COLGALT1: variants seen among roughly 807,000 people sequenced by gnomAD.
COLGALT1 encodes procollagen galactosyltransferase 1.
Under a neutral mutation model 60.8 loss-of-function variants are expected in COLGALT1, and 43 were observed. That is an observed-to-expected ratio of 0.71 (90% CI 0.55 to 0.91). The LOEUF (loss-of-function observed/expected upper bound fraction) is 0.91. Ranked by LOEUF, COLGALT1 falls within the 40% of genes least tolerant of loss-of-function variation. The pLI, the probability that COLGALT1 is intolerant of heterozygous loss-of-function variation, is 0.00. For missense variants in COLGALT1, 845 were observed against 880.0 expected (o/e 0.96, Z 0.50); for synonymous variants, 369 against 374.2 (o/e 0.99, Z 0.16).
Position 17,581,168 on chromosome 19 carries a change from T to TC in COLGALT1, c.1602-3dup, listed in dbSNP as rs1187814153. 1.3e-6 allele frequency: 2 copies of TC among 1,589,446 alleles called. No individual in the cohort carries two copies. The highest frequency in any genetic ancestry group is 1.1e-5 in the South Asian group (1 of 90,180). On this transcript the variant is annotated splice_polypyrimidine_tract_variant and intron_variant, in intron 11 of 11. Coordinates refer to ENST00000252599, the MANE Select transcript of COLGALT1 (RefSeq NM_024656.4). Reference sequence around the variant, plus strand: ...TTGCTGCCCCTCACTCCCCTCCTCCTCCCCCCAGGTCCGAGTACAAGGCCC... The same window carrying TC: ...TTGCTGCCCCTCACTCCCCTCCTCCTCCCCCCCAGGTCCGAGTACAAGGCCC...
In COLGALT1 at chr19:17,560,483, C is replaced by A. The variant is rs1158107485; in HGVS notation, c.489+18C>A. 5 of 1,600,356 alleles carry A rather than the reference C, an allele frequency of 3.1e-6. No individual in the cohort carries two copies. Among genetic ancestry groups the A allele is most frequent in the Non-Finnish European group, 4.3e-6 (5 of 1,167,544 alleles). The stretch of plus-strand genomic sequence containing the variant: ...ACATCCTGGTAAGTTTCTCAGCCGG[C>A]CGGATATGGATCACAGGCAGGTCTG... On this transcript the variant is annotated intron_variant, in intron 3 of 11. Coordinates refer to ENST00000252599, the MANE Select transcript of COLGALT1 (RefSeq NM_024656.4).
At chr19:17,559,614 C>T (rs1201386158) in intron 2 of COLGALT1, among the ~76,000 whole-genome samples, 193 bp downstream of exon 2, 6 of 152,148 alleles carry the variant, frequency 3.9e-5, no homozygotes, top group Non-Finnish European at 7.4e-5. Flanking sequence ...GACCTTTGCC[C>T]AAGCCGTTCC....
intron 3 of COLGALT1, among the ~76,000 whole-genome samples, chr19:17,561,756 G>A (rs2076251043): frequency 6.6e-6 from 1 of 151,852 alleles, no homozygotes; most frequent in Non-Finnish European, 1.5e-5. Context: ...AAGTGGTGAA[G>A]TCAGAGATTT....
chr19:17,581,369 G>C lies in COLGALT1; in HGVS notation c.1794G>C (p.Gln598His). Reference sequence around the variant, plus strand: ...AGTCCCAGAAGATGCGGGAGCAGCAGGCACTGAGCCGTGAGGCCAAGAACT... The same window carrying C: ...AGTCCCAGAAGATGCGGGAGCAGCACGCACTGAGCCGTGAGGCCAAGAACT... ...RAKSQKMREQ[Q>H]ALSREAKNSD... The change falls in exon 12 of 12, where the codon CAG (glutamine) becomes CAC (histidine). Residue 598 changes from glutamine to histidine, a missense_variant. Gln to His is a conservative substitution (Grantham distance 24). Transcript: ENST00000252599. 1 of 1,613,226 alleles carries C rather than the reference G, an allele frequency of 6.2e-7. No individual in the cohort carries two copies. Among genetic ancestry groups the C allele is most frequent in the Non-Finnish European group, 8.5e-7 (1 of 1,179,974 alleles).
chr19:17,576,592 A>G (rs1394986452), intron 6 of COLGALT1, among the ~76,000 whole-genome samples: 3 of 143,324 alleles, frequency 2.1e-5, no homozygotes, highest in Non-Finnish European at 3.0e-5. Flanking sequence ...GAGCAGGGTG[A>G]AGCTGGGGCC....
Position 17,577,093 on chromosome 19 carries a change from G to A in COLGALT1, c.950-102G>A, listed in dbSNP as rs966483670. Reference sequence around the variant, plus strand: ...CGGAGCCAGGTCGACTTTGTGGGCCGAGCCAGTCTGACTGGGAGCCATGGA... The same window carrying A: ...CGGAGCCAGGTCGACTTTGTGGGCCAAGCCAGTCTGACTGGGAGCCATGGA... On this transcript the variant is annotated intron_variant, in intron 6 of 11. Coordinates refer to ENST00000252599, the MANE Select transcript of COLGALT1 (RefSeq NM_024656.4). The A allele has an allele frequency of 1.9e-5, 23 of 1,192,222 alleles. No individual in the cohort carries two copies. In the African/African-American group the frequency reaches 3.0e-4, roughly 16 times the overall value. 73.9% of individuals were successfully genotyped at this position (1,192,222 alleles called of 1,614,324 possible). A position where few individuals can be genotyped will look rare whatever the true frequency, so the allele number is the denominator to read the frequency against.
chr19:17,559,703 T>C (rs1191496577), intron 2 of COLGALT1, among the ~76,000 whole-genome samples: 1 of 152,204 alleles, frequency 6.6e-6, no homozygotes, highest in Non-Finnish European at 1.5e-5. Context: ...GACTCAGTCT[T>C]GGTCCCAGCA....
chr19:17,559,314 G>A lies in COLGALT1; in HGVS notation c.264G>A (p.Val88=). The A allele has an allele frequency of 6.4e-7, 1 of 1,551,544 alleles. No homozygotes were observed. The highest frequency in any genetic ancestry group is 2.4e-5 in the East Asian group (1 of 40,924). ...RHPRERTALW[V]ATDHNMDNTS... is the part of the protein sequence containing the mutation. ...TGCCTGTCCCCTCTCCCTGCAGGGT[G>A]GCTACGGACCACAACATGGATAACA... Residue 88 remains valine (V), a synonymous_variant, in exon 2 of 12, where the codon GTG becomes GTA. Transcript: ENST00000252599.
chr19:17,572,411 T>C (rs2076318101), intron 5 of COLGALT1, 72 bp from the exon 6 acceptor site: 2 of 1,605,230 alleles, frequency 1.2e-6, no homozygotes, highest in South Asian at 1.1e-5. Flanking sequence ...CCTGAAGCCG[T>C]GGGATGGAAG....
chr19:17,580,959 G>A, intron 11 of COLGALT1, 54 bp downstream of exon 11: 1 of 1,593,266 alleles, frequency 6.3e-7, no homozygotes, highest in Non-Finnish European at 8.6e-7. Context: ...TCTGTCCTGG[G>A]AGAATGGGGA....
chr19:17,577,080 G>A, intron 6 of COLGALT1, 115 bp from the exon 7 acceptor site: 1 of 1,019,494 alleles, frequency 9.8e-7, no homozygotes, highest in Non-Finnish European at 1.5e-6. Context: ...GAGCCAGGTC[G>A]ACTTTGTGGG....
rs2076383965 is a variant in COLGALT1 at position 17,581,719 on chromosome 19, G to C, written c.*275G>C. 1 of 505,800 alleles carries C rather than the reference G, an allele frequency of 2.0e-6. No homozygotes were observed. The highest frequency in any genetic ancestry group is 3.3e-5 in the East Asian group (1 of 30,444). 31.3% of individuals were successfully genotyped at this position (505,800 alleles called of 1,614,324 possible). On this transcript the variant is annotated 3_prime_UTR_variant, in exon 12 of 12. Coordinates refer to ENST00000252599, the MANE Select transcript of COLGALT1 (RefSeq NM_024656.4). ...GCCCAGCATTTATTAAGCACCTGCT[G>C]TATGCAAGGTTCCCATGTTACGGCA...
rs529229121 is a variant in COLGALT1 at position 17,565,456 on chromosome 19, T to C, written c.490-1950T>C. On this transcript the variant is annotated intron_variant, in intron 3 of 11. Coordinates refer to ENST00000252599, the MANE Select transcript of COLGALT1 (RefSeq NM_024656.4). ...TGCTAGGATTACAGGTGTGAGCCACTGCACCCGGCCTGGCTGTTGGGATTC... is the reference window on the plus strand; with the variant it reads ...TGCTAGGATTACAGGTGTGAGCCACCGCACCCGGCCTGGCTGTTGGGATTC... Among the ~76,000 whole-genome samples the C allele has an allele frequency of 2.6e-5, 4 of 152,274 alleles. No homozygotes were observed. The South Asian group carries it at 8.3e-4, about 32-fold the overall frequency.
intron 5 of COLGALT1, 96 bp downstream of exon 5, chr19:17,568,809 C>G: frequency 1.6e-6 from 2 of 1,251,068 alleles, no homozygotes; most frequent in Non-Finnish European, 2.3e-6. Context: ...ATTCACAGAA[C>G]CCAAACAATG....
At chr19:17,563,450 T>C (rs1392376771) in intron 3 of COLGALT1, among the ~76,000 whole-genome samples, 4 of 151,790 alleles carry the variant, frequency 2.6e-5, no homozygotes, top group African/African-American at 9.7e-5. Context: ...CCCAGGTTCA[T>C]GCCATTTTCC....
In COLGALT1 at chr19:17,580,758, G is replaced by C. The variant is rs758262050; in HGVS notation, c.1454G>C (p.Arg485Thr). 3.7e-6 allele frequency: 6 copies of C among 1,614,104 alleles called. No individual in the cohort carries two copies. In the South Asian group the frequency reaches 6.6e-5, roughly 18 times the overall value. ...EHPEKAVPRV[R>T]NLVEADYSYW... is the part of the protein sequence containing the mutation. ...CCCGAGAAGGCTGTGCCTCGCGTGA[G>C]GAACCTGGTGGAGGCCGACTATTCC... is the stretch of plus-strand genomic sequence containing the variant. The change falls in exon 11 of 12, where the codon AGG (arginine) becomes ACG (threonine). Residue 485 changes from arginine to threonine, a missense_variant. Physicochemically the swap from Arg to Thr is moderately conservative, Grantham distance 71 (BLOSUM62 -1). Transcript: ENST00000252599.
At chr19:17,557,304 ACTT>A (rs2076218268) in intron 1 of COLGALT1, among the ~76,000 whole-genome samples, 1 of 152,054 alleles carries the variant, frequency 6.6e-6, no homozygotes. Context: ...TTTGAGATAT[ACTT>A]TTTTTTTTCT....
In COLGALT1 at chr19:17,572,666, A is replaced by C. The variant is rs576708886; in HGVS notation, c.949+64A>C. ...TGCCTCCCTTTCACTGATGTCTCAA[A>C]TCCGTCCCATGAGCACTGACTGAGT... On this transcript the variant is annotated intron_variant, in intron 6 of 11. Transcript: ENST00000252599. The C allele has an allele frequency of 1.0e-5, 16 of 1,602,756 alleles. No homozygotes were observed. The African/African-American group carries it at 2.1e-4, about 21-fold the overall frequency.
intron 3 of COLGALT1, among the ~76,000 whole-genome samples, chr19:17,564,066 C>CG (rs35866946): frequency 0.3 from 35,895 of 119,024 alleles, 5,108 homozygotes; most frequent in Middle Eastern, 0.39. Flanking sequence ...TGAGACCCCC[C>CG]CCATCTCTAC....
Sources: gnomAD v4.1 joint callset for allele counts (sites outside exome capture counted in the v4.1 genomes callset) on GRCh38, gnomAD v4.1.1 for gene constraint, MANE v1.5 for transcripts, NCBI Gene and HGNC (gene_info 2026-07-23, HGNC 2026-07-21) for gene names.